The following PPP4R3A variants were observed in gnomAD, a reference collection of about 807,000 sequenced individuals.
The protein encoded by PPP4R3A is protein phosphatase 4 regulatory subunit 3A.
Under a neutral mutation model 91.7 loss-of-function variants are expected in PPP4R3A, and 15 were observed. The observed-to-expected ratio is 0.16, with a 90% CI of 0.11 to 0.25. PPP4R3A has a LOEUF of 0.25. Ranked by LOEUF, PPP4R3A falls within the 10% of genes least tolerant of loss-of-function variation. The pLI is 1.00. For missense variants in PPP4R3A, 623 were observed against 998.4 expected (o/e 0.62, Z 5.07); for synonymous variants, 377 against 348.7 (o/e 1.08, Z -0.91).
At chr14:91,464,079 T>C (rs975168076) in intron 11 of PPP4R3A, among the ~76,000 whole-genome samples, 1 of 152,130 alleles carries the variant, frequency 6.6e-6, no homozygotes, top group Non-Finnish European at 1.5e-5. Context: ...TCCCAGCAGT[T>C]TGGGAGGCCA....
rs1049300288 is a variant in PPP4R3A, at chr14:91,482,164, G to A, written c.327C>T (p.Ile109=). Residue 109 remains isoleucine, a synonymous_variant, in exon 4 of 15, where the codon ATC becomes ATT. Transcript: ENST00000554943. ...QVQGKDPSVD[I]TQDLVDESEE... Reference sequence around the variant, plus strand: ...CAGATTCATCCACAAGGTCCTGAGTGATGTCCACGGAAGGGTCCTTTCCTT... The same window carrying A: ...CAGATTCATCCACAAGGTCCTGAGTAATGTCCACGGAAGGGTCCTTTCCTT... The A allele has an allele frequency of 6.2e-7, 1 of 1,612,026 alleles. No homozygotes were observed. Among genetic ancestry groups the A allele is most frequent in the Non-Finnish European group, 8.5e-7 (1 of 1,179,204 alleles).
chr14:91,504,325 TA>T (rs35776205), intron 1 of PPP4R3A, among the ~76,000 whole-genome samples: 250 of 114,966 alleles, frequency 2.2e-3, no homozygotes, highest in Middle Eastern at 4.3e-3. Flanking sequence ...TCTTAAAAAT[TA>T]AAAAAAAAAA....
chr14:91,471,511 C>T (rs1051726329), intron 9 of PPP4R3A, among the ~76,000 whole-genome samples: 21 of 152,184 alleles, frequency 1.4e-4, no homozygotes, highest in African/African-American at 5.1e-4. Context: ...CCTCACTAGG[C>T]AGCAAGCCTC....
intron 1 of PPP4R3A, among the ~76,000 whole-genome samples, chr14:91,500,286 C>T (rs1013209868): frequency 5.9e-5 from 9 of 152,134 alleles, no homozygotes; most frequent in African/African-American, 9.7e-5. Flanking sequence ...CTGCAACCTC[C>T]ACCTCCCGGG....
Position 91,473,107 on chromosome 14 carries a change from A to T in PPP4R3A, c.1427T>A (p.Phe476Tyr), listed in dbSNP as rs1398530708. ...AACATGCATACAGTGCTTGTAGAAG[A>T]AACCCAGAAATTCAGTCTTTTCTGT... ...NKTEKTEFLG[F>Y]FYKHCMHVLT... Residue 476 changes from phenylalanine to tyrosine, a missense_variant, in exon 9 of 15, where the codon TTC (phenylalanine) becomes TAC (tyrosine). By Grantham distance (22) the Phe-to-Tyr change is conservative (BLOSUM62 3). This residue lies in a region of PPP4R3A where 87 missense variants were observed against 233.9 expected (regional missense o/e 0.37). Transcript: ENST00000554943. The T allele has an allele frequency of 6.2e-7, 1 of 1,614,202 alleles. No homozygotes were observed. The highest frequency in any genetic ancestry group is 8.5e-7 in the Non-Finnish European group (1 of 1,180,034).
At chr14:91,483,930 T>G (rs948260374) in intron 3 of PPP4R3A, among the ~76,000 whole-genome samples, 2 of 152,212 alleles carry the variant, frequency 1.3e-5, no homozygotes, top group Non-Finnish European at 2.9e-5. Flanking sequence ...AGTTCAGGTT[T>G]GAGTTACACA....
chr14:91,484,259 T>C (rs1373989449), intron 3 of PPP4R3A, among the ~76,000 whole-genome samples: 1 of 152,198 alleles, frequency 6.6e-6, no homozygotes, highest in African/African-American at 2.4e-5. Context: ...AAGTAGAATA[T>C]ATTCTTGAAA....
At chr14:91,493,861 C>T (rs1358072951) in intron 1 of PPP4R3A, among the ~76,000 whole-genome samples, 1 of 149,566 alleles carries the variant, frequency 6.7e-6, no homozygotes, top group Non-Finnish European at 1.5e-5. Context: ...CAACCTCTGC[C>T]TCCTGGGTTC....
At chr14:91,487,570 C>T (rs1889973093) in intron 2 of PPP4R3A, among the ~76,000 whole-genome samples, 1 of 152,206 alleles carries the variant, frequency 6.6e-6, no homozygotes, top group South Asian at 2.1e-4. Context: ...CAAAAACAGC[C>T]ATGCAAAGGC....
Position 91,487,721 on chromosome 14 carries a change from T to C in PPP4R3A, c.199-1991A>G, listed in dbSNP as rs527640566. ...TAGGCAAGGACACTTCTGTTTTTTT[T>C]TGTTTGTTTGTTTTTTGAGATGGTG... is the stretch of plus-strand genomic sequence containing the variant. On this transcript the variant is annotated intron_variant, in intron 2 of 14. Coordinates refer to ENST00000554943, the MANE Select transcript of PPP4R3A (RefSeq NM_001366432.2). Among the ~76,000 whole-genome samples the C allele has an allele frequency of 1.9e-3, 293 of 152,092 alleles. 1 individual carries two copies. Among genetic ancestry groups the C allele is most frequent in the South Asian group, 3.7e-3 (18 of 4,802 alleles).
At chr14:91,462,700 G>A (rs2140067183) in intron 12 of PPP4R3A, 35 bp downstream of exon 12, 8 of 1,611,336 alleles carry the variant, frequency 5.0e-6, no homozygotes, top group Middle Eastern at 1.7e-4. Context: ...ACGACTTGAT[G>A]CTGAACGAAT....
chr14:91,469,512 T>C (rs1316176631), intron 10 of PPP4R3A, among the ~76,000 whole-genome samples: 1 of 152,254 alleles, frequency 6.6e-6, no homozygotes, highest in Admixed American at 6.5e-5. Flanking sequence ...GTTGCCCTGA[T>C]AGGAAGTTTA....
chr14:91,507,317 A>T (rs1891360239), intron 1 of PPP4R3A, among the ~76,000 whole-genome samples: 1 of 145,254 alleles, frequency 6.9e-6, no homozygotes, highest in African/African-American at 2.6e-5. Flanking sequence ...GCAAAACCCA[A>T]TCTCAAAAAA....
rs1298767075 is a variant in PPP4R3A at position 91,476,629 on chromosome 14, G to C, written c.994-105C>G. 1.1e-5 allele frequency: 9 copies of C among 828,440 alleles called. No homozygotes were observed. In the Admixed American group the frequency reaches 1.1e-4, roughly 10 times the overall value. 51.3% of individuals were successfully genotyped at this position (828,440 alleles called of 1,614,324 possible). On this transcript the variant is annotated intron_variant, in intron 5 of 14. Transcript: ENST00000554943. ...TGCCGACGCTGGAGTGCAATGGCAC[G>C]ATCTTGGCTCACTGCAACCTCCACC...
At chr14:91,461,733 A>G in intron 13 of PPP4R3A, 126 bp from the exon 14 acceptor site, 1 of 1,024,614 alleles carries the variant, frequency 9.8e-7, no homozygotes, top group Non-Finnish European at 1.4e-6. Context: ...AGTTCAATTT[A>G]TAAAAGAAGC....
Position 91,481,728 on chromosome 14 carries a change from G to T in PPP4R3A, c.763C>A (p.Pro255Thr). ...KFKEVIPISD[P>T]ELKQKIHQTY... ...TGATGAATTTTTTGTTTCAGCTCAG[G>T]ATCTGATATGGGAATCACTTCTTTA... The change falls in exon 4 of 15, where the codon CCT becomes ACT. Residue 255 changes from proline to threonine, a missense_variant. Physicochemically the swap from Pro to Thr is conservative, Grantham distance 38 (BLOSUM62 -1). This residue lies in a region of PPP4R3A where 264 missense variants were observed against 377.3 expected (regional missense o/e 0.70). Transcript: ENST00000554943. 1 of 1,614,034 alleles carries T rather than the reference G, an allele frequency of 6.2e-7. No homozygotes were observed. Among genetic ancestry groups the T allele is most frequent in the South Asian group, 1.1e-5 (1 of 91,054 alleles).
chr14:91,502,361 G>A (rs1218870396), intron 1 of PPP4R3A, among the ~76,000 whole-genome samples: 1 of 152,144 alleles, frequency 6.6e-6, no homozygotes, highest in South Asian at 2.1e-4. Flanking sequence ...AAGAGTTTGA[G>A]GCTGCAGTGA....
chr14:91,503,824 G>A (rs1048478678), intron 1 of PPP4R3A, among the ~76,000 whole-genome samples: 2 of 152,120 alleles, frequency 1.3e-5, no homozygotes, highest in African/African-American at 4.8e-5. Flanking sequence ...CAAGTTAACA[G>A]ACACAGCATA....
At chr14:91,509,044 A>G (rs1413737698) in intron 1 of PPP4R3A, among the ~76,000 whole-genome samples, 3 of 152,240 alleles carry the variant, frequency 2.0e-5, no homozygotes, top group Admixed American at 6.5e-5. Flanking sequence ...AGAAAAACAA[A>G]AAAAGCACAG....
Sources: allele counts gnomAD v4.1 joint callset (sites outside exome capture counted in the v4.1 genomes callset), GRCh38; gene constraint gnomAD v4.1.1; regional missense constraint gnomAD v4.1.1; transcripts MANE v1.5; gene names NCBI Gene and HGNC (gene_info 2026-07-23, HGNC 2026-07-21).